The following PAX1 variants were observed in gnomAD, a reference collection of about 807,000 sequenced individuals.
PAX1 encodes paired box 1.
PAX1 carries 18 observed loss-of-function variants against 35.6 expected under a neutral mutation model. The observed-to-expected ratio is 0.50, with a 90% CI of 0.35 to 0.75. PAX1 has a LOEUF of 0.75. PAX1 is among the 30% of genes least tolerant of loss of function. The pLI, the probability that PAX1 is intolerant of heterozygous loss-of-function variation, is 0.01. For missense variants in PAX1, 760 were observed against 661.5 expected, an observed-to-expected ratio of 1.15 and a Z score of -1.63; for synonymous variants, 397 against 305.2, an observed-to-expected ratio of 1.30 and a Z score of -3.14.
chr20:21,711,069 C>G (rs1477762616), intron 4 of PAX1, among the ~76,000 whole-genome samples: 1 of 152,202 alleles, frequency 6.6e-6, no homozygotes, highest in Non-Finnish European at 1.5e-5. Flanking sequence ...TTCTCAACAA[C>G]TGAGGTTATC....
rs748617132 is a variant in PAX1, at chr20:21,718,371, C to T, written c.*3809C>T. 6.6e-6 allele frequency: 1 copy of T among 152,174 alleles called. No individual in the cohort carries two copies. Among genetic ancestry groups the T allele is most frequent in the Non-Finnish European group, 1.5e-5 (1 of 68,044 alleles). 9.4% of individuals were successfully genotyped at this position (152,174 alleles called of 1,614,324 possible). A position where few individuals can be genotyped will look rare whatever the true frequency, so the allele number is the denominator to read the frequency against. ...AAGGTGTGAGGGGAAGGCTTCCTCT[C>T]CTTTGGAGGGAGTCAGTCTCTCTGG... On this transcript the variant is annotated 3_prime_UTR_variant, in exon 5 of 5. Transcript: ENST00000613128.
Position 21,709,452 on chromosome 20 carries a change from G to A in PAX1, c.1282+8G>A. ...AGCATCCCAGCCGAGAAGGTGAGGA[G>A]CGCAGGGAGTGGGGCGGGTGGATGC... On this transcript the variant is annotated splice_region_variant and intron_variant, in intron 4 of 4. Transcript: ENST00000613128. 1.3e-6 allele frequency: 2 copies of A among 1,514,868 alleles called. No individual in the cohort carries two copies. The highest frequency in any genetic ancestry group is 2.1e-5 in the Admixed American group (1 of 48,058). The allele number at this position is 1,514,868 out of a possible 1,614,324, so 93.8% of individuals were successfully genotyped here. A position where few individuals can be genotyped will look rare whatever the true frequency, so the allele number is the denominator to read the frequency against.
intron 4 of PAX1, among the ~76,000 whole-genome samples, chr20:21,714,081 A>T (rs749585163): frequency 6.6e-6 from 1 of 152,232 alleles, no homozygotes; most frequent in Non-Finnish European, 1.5e-5. Context: ...GCGCAACGTT[A>T]GAGTCCTGTT....
rs536883729 is a variant in PAX1 at position 21,718,276 on chromosome 20, C to A, written c.*3714C>A. The A allele has an allele frequency of 2.0e-5, 3 of 152,268 alleles. No individual in the cohort carries two copies. In the South Asian group the frequency reaches 6.2e-4, roughly 32 times the overall value. The allele number at this position is 152,268 out of a possible 1,614,324, so 9.4% of individuals were successfully genotyped here. ...ACCAAAGGAAAGGAGGATTGAGGGG[C>A]AAGAGGCATGAAGTTTTGCCCTTCT... On this transcript the variant is annotated 3_prime_UTR_variant, in exon 5 of 5. Transcript: ENST00000613128.
At chr20:21,707,891 G>T (rs552201557) in intron 2 of PAX1, among the ~76,000 whole-genome samples, 1 of 152,286 alleles carries the variant, frequency 6.6e-6, no homozygotes, top group Admixed American at 6.5e-5. Context: ...AGCTCCAGCA[G>T]CAGCAGCGCC....
rs754338004 is a variant in PAX1, at chr20:21,705,870, C to A, written c.158C>A (p.Ser53Ter). ...PRLGRRGSRL[S>*]GALPLCLSRG... ...CTGGGCCGCCGCGGCTCTCGGCTCT[C>A]GGGCGCCCTCCCTCTATGCCTCTCA... Residue 53 changes from serine (S) to a stop codon, truncating the protein, a stop_gained, in exon 1 of 5, where the codon TCG (serine) becomes TAG (stop). Transcript: ENST00000613128. LOFTEE classifies it high-confidence loss of function. The A allele has an allele frequency of 3.9e-4, 547 of 1,392,824 alleles. No individual in the cohort carries two copies. Among genetic ancestry groups the A allele is most frequent in the Non-Finnish European group, 4.8e-4 (514 of 1,070,494 alleles). The allele number at this position is 1,392,824 out of a possible 1,614,324, so 86.3% of individuals were successfully genotyped here. A position where few individuals can be genotyped will look rare whatever the true frequency, so the allele number is the denominator to read the frequency against.
chr20:21,714,824 A>G lies in PAX1; in HGVS notation c.*262A>G. 3.8e-6 allele frequency: 6 copies of G among 1,587,256 alleles called. No individual in the cohort carries two copies. The highest frequency in any genetic ancestry group is 5.1e-6 in the Non-Finnish European group (6 of 1,168,714). ...TTTAGACTGCCGTACCCTCCTCACA[A>G]TCCTTGCTCTGACGTGGCCTCCTTC... is the stretch of plus-strand genomic sequence containing the variant. On this transcript the variant is annotated 3_prime_UTR_variant, in exon 5 of 5. Coordinates refer to ENST00000613128, the MANE Select transcript of PAX1 (RefSeq NM_001257096.2).
intron 4 of PAX1, among the ~76,000 whole-genome samples, chr20:21,713,378 T>TGTGTGTGTGTGTGTGTGTGTGTGTGTG (rs770998874): frequency 8.7e-5 from 12 of 137,954 alleles, no homozygotes; most frequent in African/African-American, 2.8e-4. Context: ...GTTTTCTTTT[T>TGTGTGTGTGTGTGTGTGTGTGTGTGTG]TTTTTGTGTG....
rs2122131437 is a variant in PAX1, at chr20:21,706,017, G to T, written c.286+19G>T. 6.8e-7 allele frequency: 1 copy of T among 1,460,758 alleles called. No homozygotes were observed. The allele number at this position is 1,460,758 out of a possible 1,614,324, so 90.5% of individuals were successfully genotyped here. On this transcript the variant is annotated intron_variant, in intron 1 of 4. Coordinates refer to ENST00000613128, the MANE Select transcript of PAX1 (RefSeq NM_001257096.2). This position sits in a 1 kb window ranked among gnomAD's most constrained non-coding sequence, Gnocchi z 5.3. ...GCTATGGGTAAGGGGCGGGCGACAG[G>T]CAGGGCTCGGGAGGGCTGATGAGGT... is the stretch of plus-strand genomic sequence containing the variant.
Position 21,705,878 on chromosome 20 carries a change from CT to C in PAX1, c.167del (p.Leu56ProfsTer47). 7.2e-7 allele frequency: 1 copy of C among 1,396,768 alleles called. No individual in the cohort carries two copies. Among genetic ancestry groups the C allele is most frequent in the Non-Finnish European group, 9.3e-7 (1 of 1,073,244 alleles). The allele number at this position is 1,396,768 out of a possible 1,614,324, so 86.5% of individuals were successfully genotyped here. A position where few individuals can be genotyped will look rare whatever the true frequency, so the allele number is the denominator to read the frequency against. ...CCGCGGCTCTCGGCTCTCGGGCGCC[CT>C]CCCTCTATGCCTCTCACGCGGCGGC... ...GRRGSRLSGA[L>X]PLCLSRGGGG... On this transcript the variant is annotated frameshift_variant, in exon 1 of 5. Transcript: ENST00000613128. LOFTEE classifies it high-confidence loss of function.
At position 21,706,781 on chromosome 20, in the gene PAX1, T is replaced by C. The variant is rs1186821429; in HGVS notation, c.630T>C (p.Asn210=). The change falls in exon 2 of 5, where the codon AAT becomes AAC. Residue 210 remains asparagine, a synonymous_variant. Transcript: ENST00000613128. The surrounding 1 kb of genome is among the most constrained non-coding windows in gnomAD (Gnocchi z 5.3). Reference sequence around the variant, plus strand: ...CCGACGGCGTCTGTGACAAGTACAATGTGCCTTCGGTGAGCTCCATCAGCC... The same window carrying C: ...CCGACGGCGTCTGTGACAAGTACAACGTGCCTTCGGTGAGCTCCATCAGCC... ...LLADGVCDKY[N]VPSVSSISRI... The C allele has an allele frequency of 3.1e-6, 5 of 1,613,454 alleles. No individual in the cohort carries two copies. In the African/African-American group the frequency reaches 5.3e-5, roughly 17 times the overall value.
chr20:21,713,665 C>A (rs1304437189), intron 4 of PAX1, among the ~76,000 whole-genome samples: 1 of 152,200 alleles, frequency 6.6e-6, no homozygotes, highest in Non-Finnish European at 1.5e-5. Context: ...GAAAAACAGG[C>A]TTGCGCAATC....
intron 4 of PAX1, among the ~76,000 whole-genome samples, chr20:21,713,172 A>G (rs1985250783): frequency 6.6e-6 from 1 of 151,764 alleles, no homozygotes; most frequent in African/African-American, 2.4e-5. Flanking sequence ...AGAAACCTCC[A>G]CCTCCTCAGA....
chr20:21,707,450 C>T (rs1985055444), intron 2 of PAX1, among the ~76,000 whole-genome samples: 1 of 152,158 alleles, frequency 6.6e-6, no homozygotes, highest in African/African-American at 2.4e-5. Flanking sequence ...CCCAAGGGTT[C>T]TGTCCCCCAC....
In PAX1 at chr20:21,705,827, C is replaced by A. The variant is rs756490329; in HGVS notation, c.115C>A (p.Arg39Ser). The change falls in exon 1 of 5, where the codon CGC (arginine) becomes AGC (serine). Residue 39 changes from arginine (R) to serine (S), a missense_variant. This residue lies in a region of PAX1 where 222 missense variants were observed against 153.0 expected (regional missense o/e 1.45). Transcript: ENST00000613128. ...GGSALRCRAQRVSSPRLGRRG... is the reference protein window; with the variant it reads ...GGSALRCRAQSVSSPRLGRRG... ...CAGCGCGCTCCGCTGCCGCGCACAG[C>A]GCGTCTCCAGCCCGCGGCTGGGCCG... 5 of 1,348,048 alleles carry A rather than the reference C, an allele frequency of 3.7e-6. No individual in the cohort carries two copies. In the South Asian group the frequency reaches 5.6e-5, roughly 15 times the overall value. The allele number at this position is 1,348,048 out of a possible 1,614,324, so 83.5% of individuals were successfully genotyped here. A position where few individuals can be genotyped will look rare whatever the true frequency, so the allele number is the denominator to read the frequency against.
At position 21,706,944 on chromosome 20, in the gene PAX1, G is replaced by C. The variant is rs753394681; in HGVS notation, c.793G>C (p.Ala265Pro). 1.2e-6 allele frequency: 2 copies of C among 1,612,440 alleles called. No individual in the cohort carries two copies. Among genetic ancestry groups the C allele is most frequent in the South Asian group, 2.2e-5 (2 of 91,034 alleles). Residue 265 changes from alanine to proline, a missense_variant, in exon 2 of 5, where the codon GCC becomes CCC. Around this residue, in one of 3 missense-constraint regions of PAX1, gnomAD observed 490 missense variants for 428.4 expected, o/e 1.14. Coordinates refer to ENST00000613128, the MANE Select transcript of PAX1 (RefSeq NM_001257096.2). The surrounding 1 kb of genome is among the most constrained non-coding windows in gnomAD (Gnocchi z 5.3). ...PYPSPVSPTGAKMGSHPGVPG... is the reference protein window; with the variant it reads ...PYPSPVSPTGPKMGSHPGVPG... ...CCCCAGTCCCGTGTCGCCCACGGGCGCCAAGATGGGCAGCCACCCCGGGGT... is the reference window on the plus strand; with the variant it reads ...CCCCAGTCCCGTGTCGCCCACGGGCCCCAAGATGGGCAGCCACCCCGGGGT...
rs935286716 is a variant in PAX1 at position 21,715,836 on chromosome 20, G to C, written c.*1274G>C. On this transcript the variant is annotated 3_prime_UTR_variant, in exon 5 of 5. Transcript: ENST00000613128. ...GTATCTTCTAGAGCCAGCCGCAAGA[G>C]CTGTGAGCTGCTTCCAAGTTAGGCG... 16 of 152,560 alleles carry C rather than the reference G, an allele frequency of 1.0e-4. No homozygotes were observed. Among genetic ancestry groups the C allele is most frequent in the African/African-American group, 3.9e-4 (16 of 41,460 alleles). 9.5% of individuals were successfully genotyped at this position (152,560 alleles called of 1,614,324 possible). A position where few individuals can be genotyped will look rare whatever the true frequency, so the allele number is the denominator to read the frequency against.
intron 4 of PAX1, among the ~76,000 whole-genome samples, chr20:21,710,303 C>T (rs1347338447): frequency 6.6e-6 from 1 of 152,268 alleles, no homozygotes; most frequent in East Asian, 1.9e-4. Context: ...GAAAAGCTCA[C>T]CAGCCCTTGA....
rs1984999675 is a variant in PAX1, at chr20:21,706,421, G to A, written c.287-17G>A. On this transcript the variant is annotated splice_polypyrimidine_tract_variant and intron_variant, in intron 1 of 4. Coordinates refer to ENST00000613128, the MANE Select transcript of PAX1 (RefSeq NM_001257096.2). This position sits in a 1 kb window ranked among gnomAD's most constrained non-coding sequence, Gnocchi z 5.3. ...TTTTCTCCCCCTCCGGCTCACTCTT[G>A]TCTGGCGCATCCGCAGAGCAGACGT... is the stretch of plus-strand genomic sequence containing the variant. The A allele has an allele frequency of 6.2e-6, 10 of 1,610,866 alleles. No individual in the cohort carries two copies. Among genetic ancestry groups the A allele is most frequent in the Non-Finnish European group, 8.5e-6 (10 of 1,179,800 alleles).
Sources: allele counts gnomAD v4.1 joint callset (sites outside exome capture counted in the v4.1 genomes callset), GRCh38; gene constraint gnomAD v4.1.1; regional missense constraint gnomAD v4.1.1; non-coding constraint Gnocchi (gnomAD v3.1); transcripts MANE v1.5; gene names NCBI Gene and HGNC (gene_info 2026-07-23, HGNC 2026-07-21).